GRM3: variants seen among roughly 807,000 people sequenced by gnomAD.
GRM3 encodes the protein metabotropic glutamate receptor 3.
In GRM3, 26 loss-of-function variants were observed where a neutral mutation model predicts 70.5. The observed-to-expected ratio is 0.37, with a 90% CI of 0.27 to 0.51. The LOEUF is 0.51. GRM3 is among the 20% of genes least tolerant of loss of function. The pLI, the probability that GRM3 is intolerant of heterozygous loss-of-function variation, is 0.93. For missense variants in GRM3, 859 were observed against 1,123.8 expected (o/e 0.76, Z 3.37); for synonymous variants, 443 against 434.9 (o/e 1.02, Z -0.23).
At chr7:86,759,199 C>T (rs1026501311) in intron 1 of GRM3, among the ~76,000 whole-genome samples, 1 of 152,080 alleles carries the variant, frequency 6.6e-6, no homozygotes, top group Non-Finnish European at 1.5e-5. Context: ...TTCCTCCTAA[C>T]CCCTCTCAGA....
intron 1 of GRM3, among the ~76,000 whole-genome samples, chr7:86,694,078 G>T (rs769636972): frequency 2.6e-4 from 40 of 152,262 alleles, no homozygotes; most frequent in Non-Finnish European, 5.4e-4. Context: ...ACTCAGTATG[G>T]ACTGTGGAGG....
chr7:86,722,203 C>CT (rs34219508), intron 1 of GRM3, among the ~76,000 whole-genome samples: 6 of 152,000 alleles, frequency 3.9e-5, no homozygotes, highest in African/African-American at 1.2e-4. Flanking sequence ...TCTCAGAAAA[C>CT]TTTTTTTAAA....
intron 1 of GRM3, among the ~76,000 whole-genome samples, chr7:86,671,037 A>G (rs1327908144): frequency 6.6e-6 from 1 of 152,102 alleles, no homozygotes; most frequent in African/African-American, 2.4e-5. Flanking sequence ...AATATGAAAC[A>G]CATTTTTGTT....
intron 1 of GRM3, among the ~76,000 whole-genome samples, chr7:86,723,922 C>T (rs185404420): frequency 2.2e-4 from 33 of 152,186 alleles, no homozygotes; most frequent in East Asian, 1.5e-3. Flanking sequence ...ATGGTAGTAA[C>T]GAATGCATTT....
At chr7:86,724,251 C>T (rs1795540574) in intron 1 of GRM3, among the ~76,000 whole-genome samples, 1 of 152,008 alleles carries the variant, frequency 6.6e-6, no homozygotes. Context: ...TTGCTGATTC[C>T]CTTTACAAAC....
chr7:86,810,149 T>A lies in GRM3; in HGVS notation c.1324+23033T>A, dbSNP rs1230735195. ...CTCTTTGGTTTGTGATGACCTTAAA[T>A]CGTCTTTATTCCTAAAGAAAACCAC... is the stretch of plus-strand genomic sequence containing the variant. On this transcript the variant is annotated intron_variant, in intron 3 of 5. Transcript: ENST00000361669. Among the ~76,000 whole-genome samples, 5 of 152,176 alleles carry A rather than the reference T, an allele frequency of 3.3e-5. No individual in the cohort carries two copies. In the East Asian group the frequency reaches 9.7e-4, roughly 29 times the overall value.
chr7:86,782,596 C>T (rs1240870554), intron 2 of GRM3, among the ~76,000 whole-genome samples: 1 of 152,190 alleles, frequency 6.6e-6, no homozygotes, highest in Non-Finnish European at 1.5e-5. Flanking sequence ...ACATTCTGCG[C>T]TTTAGCGTCC....
At chr7:86,666,530 G>A (rs79167970) in intron 1 of GRM3, among the ~76,000 whole-genome samples, 2,007 of 152,116 alleles carry the variant, frequency 0.013, 39 homozygotes, top group African/African-American at 0.046. Context: ...TCCCTCTCTG[G>A]AAGTTACATG....
In GRM3 at chr7:86,663,479, C is replaced by T. The variant is rs142697261; in HGVS notation, c.-141+18607C>T. 9.5e-4 allele frequency among the ~76,000 whole-genome samples: 145 copies of T among 152,014 alleles called. 2 individuals are homozygous for T. The highest frequency in any genetic ancestry group is 1.5e-3 in the African/African-American group (61 of 41,518). ...AGCTGTTTGGAGGTAACTGAGAAAA[C>T]GGGATTCTAAGTAGAAATAGTGAGT... On this transcript the variant is annotated intron_variant, in intron 1 of 5. Coordinates refer to ENST00000361669, the MANE Select transcript of GRM3 (RefSeq NM_000840.3).
intron 1 of GRM3, among the ~76,000 whole-genome samples, chr7:86,728,658 T>G (rs934525302): frequency 1.3e-5 from 2 of 152,168 alleles, no homozygotes; most frequent in East Asian, 3.9e-4. Flanking sequence ...TCCTACCACT[T>G]TGGAGTACTC....
chr7:86,656,341 G>A (rs111437979), intron 1 of GRM3, among the ~76,000 whole-genome samples: 2,737 of 135,840 alleles, frequency 0.02, 87 homozygotes, highest in African/African-American at 0.072. Flanking sequence ...TCTCAGCTCA[G>A]TGCTGCAACC....
chr7:86,683,863 T>G lies in GRM3; in HGVS notation c.-141+38991T>G, dbSNP rs193087634. On this transcript the variant is annotated intron_variant, in intron 1 of 5. Transcript: ENST00000361669. The stretch of plus-strand genomic sequence containing the variant: ...ACAAAAGTGATACTATAGAGACTAT[T>G]ATGTGACACATGATCATGGTGTACA... Among the ~76,000 whole-genome samples the G allele has an allele frequency of 4.6e-5, 7 of 152,262 alleles. No individual in the cohort carries two copies. In the East Asian group the frequency reaches 5.8e-4, roughly 13 times the overall value.
intron 3 of GRM3, among the ~76,000 whole-genome samples, chr7:86,802,194 T>TCAAA (rs1797698476): frequency 2.6e-5 from 4 of 152,176 alleles, no homozygotes; most frequent in African/African-American, 9.7e-5. Flanking sequence ...TTAAATGTCT[T>TCAAA]TCTCCAATTT....
intron 3 of GRM3, among the ~76,000 whole-genome samples, chr7:86,814,154 G>A (rs372090524): frequency 6.6e-6 from 1 of 151,712 alleles, no homozygotes; most frequent in Admixed American, 6.6e-5. Context: ...GCTCTGTTGC[G>A]GTCACAGTCT....
intron 2 of GRM3, among the ~76,000 whole-genome samples, chr7:86,777,467 T>C (rs2116484082): frequency 6.6e-6 from 1 of 152,288 alleles, no homozygotes; most frequent in South Asian, 2.1e-4. Context: ...TGAATGGTGA[T>C]AACCAATATG....
chr7:86,795,508 C>T (rs75045268), intron 3 of GRM3, among the ~76,000 whole-genome samples: 5,823 of 152,056 alleles, frequency 0.038, 140 homozygotes, highest in East Asian at 0.066. Flanking sequence ...TCAGCTTCCA[C>T]TTATAACTGA....
At chr7:86,757,331 A>C (rs1239639454) in intron 1 of GRM3, among the ~76,000 whole-genome samples, 1 of 152,306 alleles carries the variant, frequency 6.6e-6, no homozygotes, top group East Asian at 1.9e-4. Context: ...CACATAAATA[A>C]ATACTGGTGG....
chr7:86,659,570 CA>C (rs1235533795), intron 1 of GRM3, among the ~76,000 whole-genome samples: 1 of 151,844 alleles, frequency 6.6e-6, no homozygotes, highest in African/African-American at 2.4e-5. Context: ...GTAAACTATG[CA>C]AAAAACAGTT....
At chr7:86,701,751 G>A (rs531071455) in intron 1 of GRM3, among the ~76,000 whole-genome samples, 3 of 151,936 alleles carry the variant, frequency 2.0e-5, no homozygotes, top group Non-Finnish European at 4.4e-5. Context: ...TAATTTCTAA[G>A]AGTGGCTTTT....
Sources: gnomAD v4.1 joint callset for allele counts (sites outside exome capture counted in the v4.1 genomes callset) on GRCh38, gnomAD v4.1.1 for gene constraint, MANE v1.5 for transcripts, NCBI Gene and HGNC (gene_info 2026-07-23, HGNC 2026-07-21) for gene names.